Variants in YIPF4 observed in about 807,000 individuals in gnomAD.
The protein encoded by YIPF4 is protein YIPF4.
Under a neutral mutation model 29.4 loss-of-function variants are expected in YIPF4, and 18 were observed. The ratio of observed to expected loss-of-function variants is 0.61; its 90% CI spans 0.42 to 0.91. The LOEUF is 0.91. Among genes scored for constraint, YIPF4 ranks in the 40% least tolerant of loss-of-function variants. The pLI, the probability that YIPF4 is intolerant of heterozygous loss-of-function variation, is 0.00. For missense variants in YIPF4, 279 were observed against 282.7 expected (o/e 0.99, Z 0.09); for synonymous variants, 115 against 104.7 (o/e 1.10, Z -0.60).
At chr2:32,280,735 T>C (rs1380530093) in intron 1 of YIPF4, among the ~76,000 whole-genome samples, 1 of 152,008 alleles carries the variant, frequency 6.6e-6, no homozygotes, top group Non-Finnish European at 1.5e-5. Flanking sequence ...TGTCTCAGAT[T>C]CTTGGCCTCC....
Position 32,312,872 on chromosome 2 carries a change from TCC to T in YIPF4, c.*7248_*7249del, listed in dbSNP as rs1434427011. 5 of 152,194 alleles carry T rather than the reference TCC, an allele frequency of 3.3e-5. No individual in the cohort carries two copies. The highest frequency in any genetic ancestry group is 5.9e-5 in the Non-Finnish European group (4 of 68,140). 9.4% of individuals were successfully genotyped at this position (152,194 alleles called of 1,614,324 possible). A position where few individuals can be genotyped will look rare whatever the true frequency, so the allele number is the denominator to read the frequency against. ...CGGGCGTGGTAGCAGGCGCCTGTAG[TCC>T]CAGCTGCTTGGGAGGCTGCGGCAGG... On this transcript the variant is annotated 3_prime_UTR_variant, in exon 6 of 6. Transcript: ENST00000238831.
chr2:32,290,660 T>C, intron 2 of YIPF4, 24 bp downstream of exon 2: 23 of 1,368,748 alleles, frequency 1.7e-5, no homozygotes, highest in Non-Finnish European at 2.1e-5. Flanking sequence ...ATAATATATA[T>C]TTTTTGTTTT....
rs1001434151 is a variant in YIPF4, at chr2:32,312,430, G to A, written c.*6804G>A. 2 of 132,556 alleles carry A rather than the reference G, an allele frequency of 1.5e-5. No individual in the cohort carries two copies. The highest frequency in any genetic ancestry group is 5.7e-5 in the African/African-American group (2 of 35,392). 8.2% of individuals were successfully genotyped at this position (132,556 alleles called of 1,614,324 possible). A position where few individuals can be genotyped will look rare whatever the true frequency, so the allele number is the denominator to read the frequency against. On this transcript the variant is annotated 3_prime_UTR_variant, in exon 6 of 6. Transcript: ENST00000238831. The stretch of plus-strand genomic sequence containing the variant: ...GTGTACCCGGGAGGCGGAGGTTGCA[G>A]TGAGCCGAGATCGCGCCACTGCACT...
At position 32,292,220 on chromosome 2, in the gene YIPF4, C is replaced by G. The variant is rs761447884; in HGVS notation, c.277C>G (p.Arg93Gly). ...IDLKDIYYKI[R>G]CVLMPMPSLG... ...TCTAAAGGATATTTACTACAAAATC[C>G]GATGTGTTTTGATGCCAATGCCATC... The change falls in exon 3 of 6, where the codon CGA (arginine) becomes GGA (glycine). Residue 93 changes from arginine to glycine, a missense_variant. Arg to Gly is a moderately radical substitution (Grantham distance 125). Transcript: ENST00000238831. 6.3e-7 allele frequency: 1 copy of G among 1,588,070 alleles called. No homozygotes were observed. Among genetic ancestry groups the G allele is most frequent in the Non-Finnish European group, 8.6e-7 (1 of 1,168,272 alleles).
rs2031625390 is a variant in YIPF4 at position 32,307,830 on chromosome 2, G to A, written c.*2204G>A. The A allele has an allele frequency of 6.7e-6, 1 of 149,148 alleles. No homozygotes were observed. Among genetic ancestry groups the A allele is most frequent in the Non-Finnish European group, 1.5e-5 (1 of 67,682 alleles). 9.2% of individuals were successfully genotyped at this position (149,148 alleles called of 1,614,324 possible). A position where few individuals can be genotyped will look rare whatever the true frequency, so the allele number is the denominator to read the frequency against. On this transcript the variant is annotated 3_prime_UTR_variant, in exon 6 of 6. Coordinates refer to ENST00000238831, the MANE Select transcript of YIPF4 (RefSeq NM_032312.4). ...TATAATCCCAGCTACTCAGGAGGCT[G>A]AGGCAGGGAGAATCGCTTGAACCCT...
chr2:32,294,492 C>G (rs1440816350), intron 3 of YIPF4, among the ~76,000 whole-genome samples: 2 of 151,826 alleles, frequency 1.3e-5, no homozygotes, highest in African/African-American at 2.4e-5. Flanking sequence ...AGACGCTCCT[C>G]GCTTCCTAGA....
chr2:32,294,282 C>T (rs1275965246), intron 3 of YIPF4, among the ~76,000 whole-genome samples: 4 of 150,154 alleles, frequency 2.7e-5, no homozygotes, highest in Admixed American at 2.0e-4. Context: ...GGGCGGCTGC[C>T]GGGTGGAGGG....
Position 32,309,372 on chromosome 2 carries a change from A to G in YIPF4, c.*3746A>G, listed in dbSNP as rs1240467292. 1 of 152,226 alleles carries G rather than the reference A, an allele frequency of 6.6e-6. No individual in the cohort carries two copies. Among genetic ancestry groups the G allele is most frequent in the East Asian group, 1.9e-4 (1 of 5,206 alleles). 9.4% of individuals were successfully genotyped at this position (152,226 alleles called of 1,614,324 possible). On this transcript the variant is annotated 3_prime_UTR_variant, in exon 6 of 6. Transcript: ENST00000238831. ...TTCTGCACATATTCCAAAATCTGAA[A>G]AAGTCTGAAACCTGAGAAACTCTGG...
chr2:32,305,075 A>G (rs1480551653), intron 5 of YIPF4, among the ~76,000 whole-genome samples: 1 of 152,140 alleles, frequency 6.6e-6, no homozygotes, highest in East Asian at 1.9e-4. Flanking sequence ...GTTTTCTCTC[A>G]GTAATTTGGT....
intron 3 of YIPF4, among the ~76,000 whole-genome samples, chr2:32,293,027 C>G (rs575829971): frequency 6.7e-6 from 1 of 149,518 alleles, no homozygotes; most frequent in African/African-American, 2.5e-5. Context: ...TATTTCTTAC[C>G]TTTTTTTTGA....
Position 32,311,306 on chromosome 2 carries a change from C to A in YIPF4, c.*5680C>A, listed in dbSNP as rs2031711201. ...TTAAGAGAATGTTCCCTATACAAGG[C>A]ATATGTTATTAAACATGAAATTTAG... On this transcript the variant is annotated 3_prime_UTR_variant, in exon 6 of 6. Coordinates refer to ENST00000238831, the MANE Select transcript of YIPF4 (RefSeq NM_032312.4). 6.6e-6 allele frequency: 1 copy of A among 152,194 alleles called. No individual in the cohort carries two copies. The highest frequency in any genetic ancestry group is 2.1e-4 in the South Asian group (1 of 4,830). The allele number at this position is 152,194 out of a possible 1,614,324, so 9.4% of individuals were successfully genotyped here. A position where few individuals can be genotyped will look rare whatever the true frequency, so the allele number is the denominator to read the frequency against.
rs548313637 is a variant in YIPF4 at position 32,278,359 on chromosome 2, A to C, written c.79+125A>C. 44 of 919,574 alleles carry C rather than the reference A, an allele frequency of 4.8e-5. No homozygotes were observed. In the South Asian group the frequency reaches 7.7e-4, roughly 16 times the overall value. The allele number at this position is 919,574 out of a possible 1,614,324, so 57.0% of individuals were successfully genotyped here. On this transcript the variant is annotated intron_variant, in intron 1 of 5. Coordinates refer to ENST00000238831, the MANE Select transcript of YIPF4 (RefSeq NM_032312.4). ...AGGCAGGAAGCTGACTGGTGACTGC[A>C]GCCCACCACGCCTGCCGGGCCTTCC...
In YIPF4 at chr2:32,300,434, TA is replaced by T. The variant is rs78248257; in HGVS notation, c.484-927del. On this transcript the variant is annotated intron_variant, in intron 4 of 5. Transcript: ENST00000238831. ...GGGCGACAGAGGAGGACTCCGTCTT[TA>T]AAAAAAAAAAAAAAAAAAAAGAGTT... Among the ~76,000 whole-genome samples the T allele has an allele frequency of 5.1e-3, 616 of 120,640 alleles. 2 individuals carry two copies. Among genetic ancestry groups the T allele is most frequent in the African/African-American group, 0.011 (349 of 32,800 alleles). The allele number at this position is 120,640 out of a possible 152,430, so 79.1% of individuals were successfully genotyped here. A position where few individuals can be genotyped will look rare whatever the true frequency, so the allele number is the denominator to read the frequency against.
intron 2 of YIPF4, among the ~76,000 whole-genome samples, chr2:32,291,770 AAG>A (rs2030928268): frequency 6.6e-6 from 1 of 152,178 alleles, no homozygotes; most frequent in Admixed American, 6.5e-5. Context: ...TGTTGAAAGA[AAG>A]AATTTCCCCA....
chr2:32,288,639 A>G (rs1037988932), intron 1 of YIPF4, among the ~76,000 whole-genome samples: 4 of 152,112 alleles, frequency 2.6e-5, no homozygotes, highest in African/African-American at 2.4e-5. Context: ...GCAAAACCCC[A>G]TCTCTACTAA....
At chr2:32,286,870 C>T (rs2030697634) in intron 1 of YIPF4, among the ~76,000 whole-genome samples, 1 of 152,152 alleles carries the variant, frequency 6.6e-6, no homozygotes, top group Admixed American at 6.5e-5. Context: ...TGATCAAGCT[C>T]CAGTATAGGT....
In YIPF4 at chr2:32,307,270, T is replaced by C; in HGVS notation, c.*1644T>C. 1 of 579,136 alleles carries C rather than the reference T, an allele frequency of 1.7e-6. No homozygotes were observed. The highest frequency in any genetic ancestry group is 2.1e-5 in the African/African-American group (1 of 48,626). The allele number at this position is 579,136 out of a possible 1,614,324, so 35.9% of individuals were successfully genotyped here. On this transcript the variant is annotated 3_prime_UTR_variant, in exon 6 of 6. Coordinates refer to ENST00000238831, the MANE Select transcript of YIPF4 (RefSeq NM_032312.4). Reference sequence around the variant, plus strand: ...AATGGATTATAATATTTGACATTCATAGTGTTGACCCTGGAATCTTTCACA... The same window carrying C: ...AATGGATTATAATATTTGACATTCACAGTGTTGACCCTGGAATCTTTCACA...
rs546152891 is a variant in YIPF4, at chr2:32,290,845, TC to T, written c.233+211del. 100 of 253,426 alleles carry T rather than the reference TC, an allele frequency of 3.9e-4. 1 individual carries two copies. The highest frequency in any genetic ancestry group is 3.9e-4 in the Non-Finnish European group (54 of 137,364). The allele number at this position is 253,426 out of a possible 1,614,324, so 15.7% of individuals were successfully genotyped here. On this transcript the variant is annotated intron_variant, in intron 2 of 5. Transcript: ENST00000238831. ...AAGACAAAAATTAAAAGAATGGTAA[TC>T]CTGTATCTCACACACATGTGTGTCT...
At chr2:32,280,021 T>C (rs1380778738) in intron 1 of YIPF4, among the ~76,000 whole-genome samples, 1 of 150,506 alleles carries the variant, frequency 6.6e-6, no homozygotes, top group Non-Finnish European at 1.5e-5. Context: ...TTCAGTCTCC[T>C]GAGTAGCTGG....
Sources: allele counts gnomAD v4.1 joint callset (sites outside exome capture counted in the v4.1 genomes callset), GRCh38; gene constraint gnomAD v4.1.1; transcripts MANE v1.5; gene names NCBI Gene and HGNC (gene_info 2026-07-23, HGNC 2026-07-21).